PHEX: variants seen among roughly 807,000 people sequenced by gnomAD.
PHEX encodes the protein phosphate-regulating neutral endopeptidase PHEX.
In PHEX, 16 loss-of-function variants were observed where a neutral mutation model predicts 68.0. That is an observed-to-expected ratio of 0.24 (90% CI 0.16 to 0.36). The LOEUF (loss-of-function observed/expected upper bound fraction) is 0.36, where lower values mean the gene tolerates loss of function less well. PHEX is among the 10% of genes least tolerant of loss of function. The pLI is 1.00. For synonymous variants in PHEX, 208 were observed against 205.1 expected, an observed-to-expected ratio of 1.01 and a Z score of -0.12; for missense variants, 480 against 575.5, an observed-to-expected ratio of 0.83 and a Z score of 1.70.
At chrX:22,034,804 C>T (rs1413759208) in intron 1 of PHEX, among the ~76,000 whole-genome samples, 2 of 112,525 alleles carry the variant, frequency 1.8e-5, no homozygotes, top group African/African-American at 6.5e-5. Context: ...ACAAGACCCC[C>T]AGGGGACTGT....
chrX:22,112,314 C>T (rs148884043), intron 10 of PHEX, among the ~76,000 whole-genome samples: 1 of 111,524 alleles, frequency 9.0e-6, no homozygotes, highest in Non-Finnish European at 1.9e-5. Context: ...TCTCTCCCAC[C>T]CTTGCTCGTC....
At chrX:22,184,050 A>C (rs1280873665) in intron 14 of PHEX, among the ~76,000 whole-genome samples, 2 of 111,888 alleles carry the variant, frequency 1.8e-5, no homozygotes, top group African/African-American at 6.5e-5. Flanking sequence ...CTGTCATTGA[A>C]AAACAAATAG....
At chrX:22,103,020 T>G (rs1341606824) in intron 9 of PHEX, among the ~76,000 whole-genome samples, 1 of 111,918 alleles carries the variant, frequency 8.9e-6, no homozygotes, top group Non-Finnish European at 1.9e-5. Flanking sequence ...ACTTTACAGA[T>G]GAGGAAGCTG....
intron 14 of PHEX, among the ~76,000 whole-genome samples, chrX:22,181,338 C>A (rs752581743): frequency 3.6e-5 from 4 of 111,960 alleles, no homozygotes; most frequent in Non-Finnish European, 7.5e-5. Flanking sequence ...TTTTGATTTG[C>A]ATTTCTCTGA....
intron 20 of PHEX, among the ~76,000 whole-genome samples, chrX:22,228,674 G>T (rs1935595806): frequency 9.3e-6 from 1 of 107,184 alleles, no homozygotes; most frequent in Non-Finnish European, 2.0e-5. Context: ...TGATGCATCT[G>T]TCCTCAATTT....
At chrX:22,187,527 C>T (rs1934068048) in intron 14 of PHEX, among the ~76,000 whole-genome samples, 1 of 111,669 alleles carries the variant, frequency 9.0e-6, no homozygotes, top group Non-Finnish European at 1.9e-5. Flanking sequence ...CCTGAATAAT[C>T]CAGGATAATC....
intron 5 of PHEX, among the ~76,000 whole-genome samples, chrX:22,082,889 C>T (rs897521665): frequency 9.0e-6 from 1 of 111,649 alleles, no homozygotes; most frequent in Non-Finnish European, 1.9e-5. Context: ...AAACAGAGCC[C>T]GAATAGCCAA....
At chrX:22,213,443 T>C (rs1431788078) in intron 16 of PHEX, among the ~76,000 whole-genome samples, 1 of 112,128 alleles carries the variant, frequency 8.9e-6, no homozygotes, top group African/African-American at 3.2e-5. Flanking sequence ...GCTTGGATAC[T>C]AATAGGCAAT....
At position 22,100,388 on chromosome X, in the gene PHEX, TC is replaced by T. The variant is rs757342724; in HGVS notation, c.1079+1238del. Among the ~76,000 whole-genome samples, 167 of 112,213 alleles carry T rather than the reference TC, an allele frequency of 1.5e-3. 1 individual carries two copies. Among genetic ancestry groups the T allele is most frequent in the African/African-American group, 5.3e-3 (163 of 30,879 alleles). ...AAGGGGATCACTGTATTAGAAAATT[TC>T]TTTGTAAGTACTTCCTAGCTCTCAA... On this transcript the variant is annotated intron_variant, in intron 9 of 21. Coordinates refer to ENST00000379374, the MANE Select transcript of PHEX (RefSeq NM_000444.6).
At chrX:22,230,069 T>A (rs1384362244) in intron 20 of PHEX, among the ~76,000 whole-genome samples, 2 of 110,209 alleles carry the variant, frequency 1.8e-5, no homozygotes, top group Non-Finnish European at 3.8e-5. Flanking sequence ...GTGGTGTTAT[T>A]TCTGAGGGCT....
At chrX:22,138,744 T>A (rs1452647226) in intron 12 of PHEX, among the ~76,000 whole-genome samples, 1 of 112,368 alleles carries the variant, frequency 8.9e-6, no homozygotes, top group Non-Finnish European at 1.9e-5. Context: ...TCTCCTGCCC[T>A]TTCCAGTTAC....
chrX:22,226,359 T>C, intron 18 of PHEX, 84 bp from the exon 19 acceptor site: 1 of 651,219 alleles, frequency 1.5e-6, no homozygotes, highest in South Asian at 2.2e-5. Flanking sequence ...CTTTTCTTGC[T>C]ATAATATTGA....
intron 2 of PHEX, among the ~76,000 whole-genome samples, chrX:22,040,845 G>C (rs1927243566): frequency 9.1e-6 from 1 of 110,289 alleles, no homozygotes; most frequent in African/African-American, 3.3e-5. Context: ...CATCTTAGGA[G>C]CATTTCAAAA....
chrX:22,209,940 T>TAAAAAA (rs200608326), intron 15 of PHEX, among the ~76,000 whole-genome samples: 1 of 91,161 alleles, frequency 1.1e-5, no homozygotes, highest in Non-Finnish European at 2.2e-5. Context: ...GTTGAAATGG[T>TAAAAAA]AAAAAAAAAA....
rs143973252 is a variant in PHEX at position 22,114,151 on chromosome X, T to C, written c.1174-307T>C. Among the ~76,000 whole-genome samples the C allele has an allele frequency of 0.018, 1,999 of 109,184 alleles. 45 individuals carry two copies. Among genetic ancestry groups the C allele is most frequent in the African/African-American group, 0.063 (1,883 of 29,839 alleles). 94.8% of individuals were successfully genotyped at this position (109,184 alleles called of 115,157 possible). On this transcript the variant is annotated intron_variant, in intron 10 of 21. Coordinates refer to ENST00000379374, the MANE Select transcript of PHEX (RefSeq NM_000444.6). ...TTTTAGTAAGCACGGGGTTTCACCA[T>C]GTTGGCCAGGCTGGTCTCGAGCTCC...
intron 20 of PHEX, among the ~76,000 whole-genome samples, chrX:22,241,065 TAACA>T (rs200987391): frequency 0.018 from 2,011 of 111,904 alleles, 16 homozygotes; most frequent in Non-Finnish European, 0.029. Context: ...ATGAAAATCA[TAACA>T]AACAGTCTCT....
chrX:22,205,422 G>C (rs1569426809), intron 15 of PHEX, among the ~76,000 whole-genome samples: 1 of 111,581 alleles, frequency 9.0e-6, no homozygotes, highest in Admixed American at 9.6e-5. Context: ...ATGAGTTCAA[G>C]TTGTCTTGCA....
intron 5 of PHEX, 146 bp downstream of exon 5, chrX:22,077,848 C>T (rs1929227644): frequency 2.0e-6 from 1 of 500,933 alleles, no homozygotes; most frequent in Non-Finnish European, 3.5e-6. Flanking sequence ...ATATTCCCTT[C>T]TCCCGGCTTT....
At chrX:22,154,171 A>C (rs1324687628) in intron 12 of PHEX, among the ~76,000 whole-genome samples, 1 of 111,594 alleles carries the variant, frequency 9.0e-6, no homozygotes, top group Admixed American at 9.5e-5. Flanking sequence ...ACTGCTATGT[A>C]CCCACAAAAA....
Sources: allele counts gnomAD v4.1 joint callset (sites outside exome capture counted in the v4.1 genomes callset), GRCh38; gene constraint gnomAD v4.1.1; transcripts MANE v1.5; gene names NCBI Gene and HGNC (gene_info 2026-07-23, HGNC 2026-07-21).